TRAF3IP3: variants seen among roughly 807,000 people sequenced by gnomAD.
The protein encoded by TRAF3IP3 is TRAF3 interacting protein 3, also known as TRAF3-interacting JNK-activating modulator.
A neutral mutation model predicts 86.5 loss-of-function variants in TRAF3IP3; 64 were observed. The observed-to-expected ratio is 0.74, with a 90% CI of 0.60 to 0.91. TRAF3IP3 has a LOEUF of 0.91. Among genes scored for constraint, TRAF3IP3 ranks in the 40% least tolerant of loss-of-function variants. The pLI is 0.00. For synonymous variants in TRAF3IP3, 220 were observed against 243.9 expected (o/e 0.90, Z 0.91); for missense variants, 579 against 642.9 (o/e 0.90, Z 1.07).
chr1:209,777,705 G>T (rs1317373717), intron 12 of TRAF3IP3: 1 of 528,944 alleles, frequency 1.9e-6, no homozygotes, highest in East Asian at 3.2e-5. Context: ...GTATCTTGTT[G>T]TCTGAGCTCT....
chr1:209,774,781 C>T (rs1408130071), intron 9 of TRAF3IP3, among the ~76,000 whole-genome samples: 2 of 152,100 alleles, frequency 1.3e-5, no homozygotes, highest in African/African-American at 4.8e-5. Context: ...AAATGCAGAA[C>T]TGAAAAGGGA....
At position 209,782,128 on chromosome 1, in the gene TRAF3IP3, A is replaced by G; in HGVS notation, c.1636A>G (p.Lys546Glu). The part of the protein sequence containing the change: ...AAALAVFLAN[K>E]DNLMI Reference sequence around the variant, plus strand: ...AGCACTGGCAGTGTTCCTGGCCAATAAAGACAACCTGATGATCTGAATAAT... The same window carrying G: ...AGCACTGGCAGTGTTCCTGGCCAATGAAGACAACCTGATGATCTGAATAAT... The change falls in exon 17 of 17, where the codon AAA (lysine) becomes GAA (glutamate). Residue 546 changes from lysine to glutamate, a missense_variant. Transcript: ENST00000367025. 1 of 1,614,072 alleles carries G rather than the reference A, an allele frequency of 6.2e-7. No homozygotes were observed. The highest frequency in any genetic ancestry group is 8.5e-7 in the Non-Finnish European group (1 of 1,179,908).
chr1:209,781,474 C>T lies in TRAF3IP3; in HGVS notation c.1563+16C>T. ...GCCTCCCAGAGTAAGAGGGTCTCTCCTTCCCATAAAGCCCTGGATGATGGG... is the reference window on the plus strand; with the variant it reads ...GCCTCCCAGAGTAAGAGGGTCTCTCTTTCCCATAAAGCCCTGGATGATGGG... On this transcript the variant is annotated intron_variant, in intron 16 of 16. Transcript: ENST00000367025. The T allele has an allele frequency of 6.3e-7, 1 of 1,582,992 alleles. No individual in the cohort carries two copies. The highest frequency in any genetic ancestry group is 1.7e-5 in the Admixed American group (1 of 59,908).
At chr1:209,767,455 G>C (rs1012203532) in intron 8 of TRAF3IP3, among the ~76,000 whole-genome samples, 1 of 152,088 alleles carries the variant, frequency 6.6e-6, no homozygotes, top group Non-Finnish European at 1.5e-5. Flanking sequence ...CAACACTTTG[G>C]GGGGCCAAGG....
intron 9 of TRAF3IP3, 54 bp downstream of exon 9, chr1:209,773,073 A>C (rs2077579688): frequency 6.8e-7 from 1 of 1,465,872 alleles, no homozygotes; most frequent in Non-Finnish European, 9.4e-7. Context: ...AAATGAGAAG[A>C]ATGTTTTTGA....
At position 209,779,289 on chromosome 1, in the gene TRAF3IP3, G is replaced by A. The variant is rs1472174851; in HGVS notation, c.1253-26G>A. 5 of 1,609,010 alleles carry A rather than the reference G, an allele frequency of 3.1e-6. No individual in the cohort carries two copies. The South Asian group carries it at 5.5e-5, about 18-fold the overall frequency. On this transcript the variant is annotated intron_variant, in intron 13 of 16. Transcript: ENST00000367025. ...TTTTTGTAGTAAATATGCTAGCATA[G>A]ACAAGTTCCTTGTGTTTTCCAACAG...
intron 8 of TRAF3IP3, among the ~76,000 whole-genome samples, chr1:209,771,765 G>A (rs1206237209): frequency 4.1e-5 from 2 of 48,870 alleles, no homozygotes; most frequent in East Asian, 4.7e-4. Flanking sequence ...ATGTGAAGGT[G>A]TGTGTGTATA....
intron 13 of TRAF3IP3, chr1:209,778,518 G>C: frequency 4.2e-6 from 1 of 239,652 alleles, no homozygotes; most frequent in Non-Finnish European, 7.9e-6. Context: ...CCTGTCATTA[G>C]AGATGGTTTA....
intron 3 of TRAF3IP3, among the ~76,000 whole-genome samples, chr1:209,761,419 G>A (rs2102433698): frequency 1.3e-5 from 2 of 152,320 alleles, no homozygotes; most frequent in Middle Eastern, 6.8e-3. Context: ...GAAGTTGTGA[G>A]CATGTTGACA....
chr1:209,767,623 C>A (rs2102458560), intron 8 of TRAF3IP3, among the ~76,000 whole-genome samples: 1 of 151,690 alleles, frequency 6.6e-6, no homozygotes, highest in South Asian at 2.1e-4. Flanking sequence ...CCAGGAGGTC[C>A]AGGCTGCACC....
chr1:209,771,928 T>A (rs1472513553), intron 8 of TRAF3IP3, among the ~76,000 whole-genome samples: 12 of 138,386 alleles, frequency 8.7e-5, no homozygotes, highest in Non-Finnish European at 1.7e-4. Context: ...GGTGTGCGTG[T>A]GCATATGCAG....
At position 209,775,755 on chromosome 1, in the gene TRAF3IP3, G is replaced by T. The variant is rs1211652210; in HGVS notation, c.1053+19G>T. The T allele has an allele frequency of 1.3e-6, 2 of 1,599,068 alleles. No individual in the cohort carries two copies. Among genetic ancestry groups the T allele is most frequent in the African/African-American group, 2.7e-5 (2 of 74,562 alleles). On this transcript the variant is annotated intron_variant, in intron 11 of 16. Transcript: ENST00000367025. ...ACTGCAGGTACCAGGCACTGGGGGT[G>T]GGGAGGGAAGACAGGGTATGGGGAG...
rs1246538247 is a variant in TRAF3IP3, at chr1:209,762,531, C to A, written c.362C>A (p.Ser121Tyr). Residue 121 changes from serine to tyrosine, a missense_variant, in exon 4 of 17, where the codon TCT becomes TAT. Physicochemically the swap from Ser to Tyr is moderately radical, Grantham distance 144 (BLOSUM62 -2). Coordinates refer to ENST00000367025, the MANE Select transcript of TRAF3IP3 (RefSeq NM_025228.4). ...GCCTTCCAGGTGACAGGCACCAGCT[C>A]TGAAGTCTTTCCAGCCCAGCATCCT... The part of the protein sequence containing the change: ...SPREQVTGTS[S>Y]EVFPAQHPPP... The A allele has an allele frequency of 1.4e-6, 2 of 1,471,660 alleles. No homozygotes were observed. The highest frequency in any genetic ancestry group is 1.8e-6 in the Non-Finnish European group (2 of 1,110,630). 91.2% of individuals were successfully genotyped at this position (1,471,660 alleles called of 1,614,324 possible).
At chr1:209,762,286 A>T (rs1427526662) in intron 3 of TRAF3IP3, among the ~76,000 whole-genome samples, 1 of 152,130 alleles carries the variant, frequency 6.6e-6, no homozygotes, top group Non-Finnish European at 1.5e-5. Flanking sequence ...AATGGCACTA[A>T]TCCCATTCAT....
chr1:209,760,702 G>A (rs1031430336), intron 3 of TRAF3IP3, among the ~76,000 whole-genome samples: 3 of 152,168 alleles, frequency 2.0e-5, no homozygotes, highest in Admixed American at 1.3e-4. Context: ...GGAGGCCAAG[G>A]CAGGAGGATC....
intron 8 of TRAF3IP3, among the ~76,000 whole-genome samples, chr1:209,770,548 GGT>G (rs139818084): frequency 2.7e-5 from 4 of 148,764 alleles, no homozygotes; most frequent in African/African-American, 7.4e-5. Context: ...TGCAGGTGGA[GGT>G]GTGTGTGTCC....
intron 3 of TRAF3IP3, among the ~76,000 whole-genome samples, chr1:209,761,748 G>A (rs2102434790): frequency 6.6e-6 from 1 of 152,336 alleles, no homozygotes; most frequent in African/African-American, 2.4e-5. Flanking sequence ...TCACTACACA[G>A]ACAGAAGACT....
At chr1:209,772,191 T>C (rs1364353104) in intron 8 of TRAF3IP3, among the ~76,000 whole-genome samples, 2 of 152,108 alleles carry the variant, frequency 1.3e-5, no homozygotes, top group African/African-American at 2.4e-5. Context: ...TATTTTCTCA[T>C]AGTTCTGGAG....
chr1:209,772,192 A>G (rs1384631251), intron 8 of TRAF3IP3, among the ~76,000 whole-genome samples: 2 of 152,088 alleles, frequency 1.3e-5, no homozygotes, highest in Non-Finnish European at 2.9e-5. Context: ...ATTTTCTCAT[A>G]GTTCTGGAGG....
Sources: allele counts gnomAD v4.1 joint callset (sites outside exome capture counted in the v4.1 genomes callset), GRCh38; gene constraint gnomAD v4.1.1; transcripts MANE v1.5; gene names NCBI Gene and HGNC (gene_info 2026-07-23, HGNC 2026-07-21).